Variants in VCAN observed in about 807,000 individuals in gnomAD.
The protein encoded by VCAN is versican core protein.
Under a neutral mutation model 245.5 loss-of-function variants are expected in VCAN, and 44 were observed. That is an observed-to-expected ratio of 0.18 (90% CI 0.14 to 0.23). The LOEUF (loss-of-function observed/expected upper bound fraction) is 0.23, where lower values mean the gene tolerates loss of function less well. Among genes scored for constraint, VCAN ranks in the 10% least tolerant of loss-of-function variants. The probability of loss-of-function intolerance (pLI) is 1.00; values close to 1 mark genes in which losing one functional copy is unlikely to be tolerated. For synonymous variants in VCAN, 1,413 were observed against 1,437.0 expected (o/e 0.98, Z 0.38); for missense variants, 3,793 against 4,057.9 (o/e 0.93, Z 1.77).
intron 7 of VCAN, among the ~76,000 whole-genome samples, chr5:83,526,561 A>T (rs1271289218): frequency 6.6e-6 from 1 of 152,240 alleles, no homozygotes; most frequent in Admixed American, 6.5e-5. Context: ...AAAAAGAATG[A>T]TATCTAGACC....
intron 3 of VCAN, among the ~76,000 whole-genome samples, chr5:83,490,854 A>G (rs959798983): frequency 6.6e-6 from 1 of 152,224 alleles, no homozygotes; most frequent in Non-Finnish European, 1.5e-5. Flanking sequence ...ATGTACATAC[A>G]TATACACACA....
At chr5:83,511,494 G>C (rs374807449) in intron 5 of VCAN, among the ~76,000 whole-genome samples, 3 of 152,138 alleles carry the variant, frequency 2.0e-5, no homozygotes, top group Admixed American at 6.5e-5. Context: ...CCCTGTGCCT[G>C]ATACGGGAAG....
intron 12 of VCAN, among the ~76,000 whole-genome samples, chr5:83,560,498 C>A (rs1025563047): frequency 6.6e-6 from 1 of 152,086 alleles, no homozygotes; most frequent in African/African-American, 2.4e-5. Flanking sequence ...AATCCACTAT[C>A]TGAGGCTGTT....
chr5:83,503,101 T>C (rs1395999998), intron 5 of VCAN, among the ~76,000 whole-genome samples: 2 of 152,130 alleles, frequency 1.3e-5, no homozygotes, highest in Admixed American at 1.3e-4. Context: ...GCAGTATATA[T>C]TATGTTAACC....
In VCAN at chr5:83,529,690, A is replaced by T. The variant is rs752061658; in HGVS notation, c.4004-7317A>T. Among the ~76,000 whole-genome samples the T allele has an allele frequency of 1.9e-3, 286 of 152,214 alleles. 5 individuals carry two copies. Among genetic ancestry groups the T allele is most frequent in the Middle Eastern group, 3.4e-3 (1 of 294 alleles). Reference sequence around the variant, plus strand: ...GGCCTCAGTTGTTATATAATTAAAAATTTATAATAATACTACAACCTCACC... The same window carrying T: ...GGCCTCAGTTGTTATATAATTAAAATTTTATAATAATACTACAACCTCACC... On this transcript the variant is annotated intron_variant, in intron 7 of 14. Coordinates refer to ENST00000265077, the MANE Select transcript of VCAN (RefSeq NM_004385.5).
intron 7 of VCAN, among the ~76,000 whole-genome samples, chr5:83,528,062 A>G (rs1434329906): frequency 4.6e-5 from 7 of 152,240 alleles, no homozygotes; most frequent in Non-Finnish European, 7.3e-5. Flanking sequence ...CAGATATTAA[A>G]GGTGGTCATA....
intron 1 of VCAN, among the ~76,000 whole-genome samples, chr5:83,473,530 C>T (rs939346550): frequency 6.6e-5 from 10 of 152,136 alleles, no homozygotes; most frequent in African/African-American, 2.4e-4. Flanking sequence ...CTCTCTCTAG[C>T]TTCTGCGTCC....
chr5:83,514,452 A>ATTT (rs1274338760), intron 6 of VCAN, among the ~76,000 whole-genome samples: 1 of 83,746 alleles, frequency 1.2e-5, no homozygotes, highest in African/African-American at 5.1e-5. Flanking sequence ...GTGTGTGTGT[A>ATTT]TTTTTTTTTT....
At chr5:83,564,257 C>T (rs999915612) in intron 12 of VCAN, among the ~76,000 whole-genome samples, 1 of 151,976 alleles carries the variant, frequency 6.6e-6, no homozygotes, top group Admixed American at 6.6e-5. Context: ...TCCAAGTTCT[C>T]TTTTGTTAAG....
At chr5:83,472,815 G>T (rs1744243306) in intron 1 of VCAN, among the ~76,000 whole-genome samples, 1 of 152,216 alleles carries the variant, frequency 6.6e-6, no homozygotes, top group Non-Finnish European at 1.5e-5. Context: ...GGAGGTCTGG[G>T]AGGCCCCTGG....
At chr5:83,527,103 A>T (rs186959579) in intron 7 of VCAN, among the ~76,000 whole-genome samples, 106 of 152,338 alleles carry the variant, frequency 7.0e-4, no homozygotes, top group Non-Finnish European at 1.2e-3. Flanking sequence ...CTGTCTGTCA[A>T]TTCCTGAAAG....
chr5:83,561,124 T>G (rs1747850249), intron 12 of VCAN, among the ~76,000 whole-genome samples: 1 of 152,166 alleles, frequency 6.6e-6, no homozygotes. Context: ...CATCTCTACA[T>G]TGTCAGGACT....
intron 5 of VCAN, among the ~76,000 whole-genome samples, chr5:83,494,258 A>T (rs1246752012): frequency 6.6e-6 from 1 of 152,212 alleles, no homozygotes; most frequent in Non-Finnish European, 1.5e-5. Context: ...TGGTGAGAGC[A>T]TAAGATAAAA....
chr5:83,490,430 G>A lies in VCAN; in HGVS notation c.403G>A (p.Gly135Arg), dbSNP rs201274252. Residue 135 changes from glycine to arginine, a missense_variant, in exon 3 of 15, where the codon GGG becomes AGG. Gly to Arg is a moderately radical substitution (Grantham distance 125). Coordinates refer to ENST00000265077, the MANE Select transcript of VCAN (RefSeq NM_004385.5). ...AGLYRCDVMY[G>R]IEDTQDTVSL... ...TCTTTACCGCTGTGACGTCATGTAC[G>A]GGATTGAAGACACACAAGACACGGT... The A allele has an allele frequency of 4.9e-5, 79 of 1,614,036 alleles. No homozygotes were observed. The highest frequency in any genetic ancestry group is 8.3e-5 in the Admixed American group (5 of 60,000).
In VCAN at chr5:83,521,596, A is replaced by T; in HGVS notation, c.3290A>T (p.Lys1097Ile). ...GTTTTAGAAACAACTCCAGTTGGAA[A>T]AATTGATCACAGTGTGTCTTATCCA... ...VPVLETTPVG[K>I]IDHSVSYPPG... The change falls in exon 7 of 15, where the codon AAA becomes ATA. Residue 1097 changes from lysine (K) to isoleucine (I), a missense_variant. This residue lies in a region of VCAN where 3,182 missense variants were observed against 3,250.3 expected (regional missense o/e 0.98). Coordinates refer to ENST00000265077, the MANE Select transcript of VCAN (RefSeq NM_004385.5). 6.2e-7 allele frequency: 1 copy of T among 1,614,086 alleles called. No homozygotes were observed. The highest frequency in any genetic ancestry group is 8.5e-7 in the Non-Finnish European group (1 of 1,180,026).
intron 5 of VCAN, among the ~76,000 whole-genome samples, chr5:83,508,445 T>C (rs1745544568): frequency 1.3e-5 from 2 of 152,204 alleles, no homozygotes; most frequent in Non-Finnish European, 2.9e-5. Context: ...ATTTAACTTA[T>C]CACGTTTGGT....
chr5:83,540,643 T>TGGACAAAGA lies in VCAN; in HGVS notation c.7647_7655dup (p.Glu2550_Lys2552dup), dbSNP rs776940017. ...CCCACTGAAAATATTATCATAGACC[T>TGGACAAAGA]GGACAAAGAGGACAAGGATTTAATA... is the stretch of plus-strand genomic sequence containing the variant. On this transcript the variant is annotated inframe_insertion, in exon 8 of 15. Coordinates refer to ENST00000265077, the MANE Select transcript of VCAN (RefSeq NM_004385.5). 6.2e-7 allele frequency: 1 copy of TGGACAAAGA among 1,613,824 alleles called. No homozygotes were observed. The highest frequency in any genetic ancestry group is 8.5e-7 in the Non-Finnish European group (1 of 1,179,948).
chr5:83,528,652 T>G (rs1159710808), intron 7 of VCAN, among the ~76,000 whole-genome samples: 1 of 152,104 alleles, frequency 6.6e-6, no homozygotes, highest in Non-Finnish European at 1.5e-5. Flanking sequence ...CAAAATATAC[T>G]CCCATGAAGT....
At chr5:83,579,430 A>AT (rs1311543747) in intron 13 of VCAN, among the ~76,000 whole-genome samples, 1 of 151,816 alleles carries the variant, frequency 6.6e-6, no homozygotes, top group Non-Finnish European at 1.5e-5. Context: ...TGCCTGGCTA[A>AT]TTTTTTGTAT....
Sources: allele counts gnomAD v4.1 joint callset (sites outside exome capture counted in the v4.1 genomes callset), GRCh38; gene constraint gnomAD v4.1.1; regional missense constraint gnomAD v4.1.1; transcripts MANE v1.5; gene names NCBI Gene and HGNC (gene_info 2026-07-23, HGNC 2026-07-21).